DSCAM: variants seen among roughly 807,000 people sequenced by gnomAD.
DSCAM encodes cell adhesion molecule DSCAM.
DSCAM carries 47 observed loss-of-function variants against 217.7 expected under a neutral mutation model. The observed-to-expected ratio is 0.22, with a 90% CI of 0.17 to 0.28. The LOEUF (loss-of-function observed/expected upper bound fraction) is 0.28, where lower values mean the gene tolerates loss of function less well. Ranked by LOEUF, DSCAM falls within the 10% of genes least tolerant of loss-of-function variation. DSCAM has a pLI of 1.00. For missense variants in DSCAM, 2,080 were observed against 2,618.3 expected, an observed-to-expected ratio of 0.79 and a Z score of 4.49; for synonymous variants, 1,056 against 1,015.3, an observed-to-expected ratio of 1.04 and a Z score of -0.76.
intron 11 of DSCAM, among the ~76,000 whole-genome samples, chr21:40,266,635 TTA>T (rs71186923): frequency 0.054 from 3,383 of 62,528 alleles, 63 homozygotes; most frequent in Non-Finnish European, 0.064. Context: ...CAAAGATGTT[TTA>T]TATATATATA....
At chr21:40,676,226 T>C (rs1283911464) in intron 3 of DSCAM, among the ~76,000 whole-genome samples, 2 of 152,292 alleles carry the variant, frequency 1.3e-5, no homozygotes, top group Non-Finnish European at 1.5e-5. Flanking sequence ...AGAGAAACAT[T>C]CATCTTATGT....
chr21:40,702,195 G>C (rs2090663901), intron 2 of DSCAM, among the ~76,000 whole-genome samples: 1 of 152,116 alleles, frequency 6.6e-6, no homozygotes, highest in Non-Finnish European at 1.5e-5. Flanking sequence ...TTAGCTCTGA[G>C]CACAGGGGAT....
At chr21:40,415,219 A>C (rs2075359555) in intron 3 of DSCAM, among the ~76,000 whole-genome samples, 1 of 152,252 alleles carries the variant, frequency 6.6e-6, no homozygotes, top group African/African-American at 2.4e-5. Flanking sequence ...TGTAGGATAC[A>C]TGATTTTATA....
chr21:40,133,734 G>C lies in DSCAM; in HGVS notation c.3562+120C>G, dbSNP rs867887226. 1.9e-4 allele frequency: 234 copies of C among 1,212,678 alleles called. No homozygotes were observed. In the Middle Eastern group the frequency reaches 3.3e-3, roughly 17 times the overall value. 75.1% of individuals were successfully genotyped at this position (1,212,678 alleles called of 1,614,324 possible). On this transcript the variant is annotated intron_variant, in intron 19 of 32. Coordinates refer to ENST00000400454, the MANE Select transcript of DSCAM (RefSeq NM_001389.5). ...TCTGAATTGCACTGGGATATTTTGG[G>C]AGGGCAGCAAAGGTTTGCACTGAGA... is the stretch of plus-strand genomic sequence containing the variant.
chr21:40,650,313 T>G (rs188721516), intron 3 of DSCAM, among the ~76,000 whole-genome samples: 181 of 152,332 alleles, frequency 1.2e-3, no homozygotes, highest in African/African-American at 4.2e-3. Context: ...TAGTTATCAA[T>G]TTCACAAGGG....
intron 11 of DSCAM, among the ~76,000 whole-genome samples, chr21:40,273,409 A>T (rs2073645049): frequency 6.6e-6 from 1 of 152,086 alleles, no homozygotes; most frequent in South Asian, 2.1e-4. Context: ...CAACTCTATC[A>T]TCTCTCTTTG....
chr21:40,270,067 G>C (rs2073595421), intron 11 of DSCAM, among the ~76,000 whole-genome samples: 1 of 152,168 alleles, frequency 6.6e-6, no homozygotes, highest in South Asian at 2.1e-4. Context: ...AGAATCTTTA[G>C]CTGGTGGAAC....
At chr21:40,453,322 T>C (rs778257304) in intron 3 of DSCAM, among the ~76,000 whole-genome samples, 2 of 152,144 alleles carry the variant, frequency 1.3e-5, no homozygotes, top group Non-Finnish European at 2.9e-5. Context: ...AGTCCTGTCA[T>C]ATTGTCCTAG....
At chr21:40,403,609 A>G (rs752033884) in intron 3 of DSCAM, among the ~76,000 whole-genome samples, 4 of 149,298 alleles carry the variant, frequency 2.7e-5, no homozygotes, top group Admixed American at 6.8e-5. Context: ...GCTTACATAC[A>G]TGTATGCAAG....
At chr21:40,674,635 T>C (rs1170740852) in intron 3 of DSCAM, among the ~76,000 whole-genome samples, 3 of 143,494 alleles carry the variant, frequency 2.1e-5, no homozygotes, top group East Asian at 2.0e-4. Flanking sequence ...TCTTTTTCTT[T>C]TTTTTTTTTT....
chr21:40,810,945 G>A (rs1219759749), intron 1 of DSCAM, among the ~76,000 whole-genome samples: 1 of 152,034 alleles, frequency 6.6e-6, no homozygotes, highest in Non-Finnish European at 1.5e-5. Flanking sequence ...TTTTTCACTT[G>A]GGGTCATTGT....
chr21:40,100,980 G>A (rs1226380357), intron 20 of DSCAM, among the ~76,000 whole-genome samples: 1 of 152,164 alleles, frequency 6.6e-6, no homozygotes, highest in Admixed American at 6.5e-5. Flanking sequence ...AGACATAAGA[G>A]TTCCTTTGTG....
At chr21:40,473,024 C>T (rs60951437) in intron 3 of DSCAM, among the ~76,000 whole-genome samples, 20,743 of 152,042 alleles carry the variant, frequency 0.14, 1,540 homozygotes, top group Middle Eastern at 0.2. Flanking sequence ...ACGGTCCATA[C>T]GGGGCACGGA....
intron 4 of DSCAM, among the ~76,000 whole-genome samples, chr21:40,366,787 A>C (rs763742791): frequency 6.6e-6 from 1 of 152,176 alleles, no homozygotes; most frequent in African/African-American, 2.4e-5. Flanking sequence ...CAAGGACTCG[A>C]CATTTAGCCC....
intron 3 of DSCAM, among the ~76,000 whole-genome samples, chr21:40,544,062 C>T (rs1333091642): frequency 6.6e-6 from 1 of 151,978 alleles, no homozygotes; most frequent in Non-Finnish European, 1.5e-5. Context: ...AAGAGGATAC[C>T]TGGAAGTGAG....
At chr21:40,829,397 G>C (rs1281475941) in intron 1 of DSCAM, among the ~76,000 whole-genome samples, 2 of 152,194 alleles carry the variant, frequency 1.3e-5, no homozygotes, top group Non-Finnish European at 2.9e-5. Flanking sequence ...GCAGAGCTAA[G>C]AGCCCACTCG....
intron 8 of DSCAM, among the ~76,000 whole-genome samples, chr21:40,337,107 A>ATG (rs1491246496): frequency 2.0e-5 from 3 of 152,164 alleles, no homozygotes; most frequent in African/African-American, 2.4e-5. Context: ...TATTATTTCC[A>ATG]TGTGTGTGTG....
At chr21:40,399,393 G>T (rs575345676) in intron 3 of DSCAM, among the ~76,000 whole-genome samples, 4 of 152,296 alleles carry the variant, frequency 2.6e-5, no homozygotes, top group African/African-American at 9.6e-5. Context: ...TTCTATATTG[G>T]AAGCTGAGTC....
intron 3 of DSCAM, among the ~76,000 whole-genome samples, chr21:40,606,248 C>T (rs13047827): frequency 0.43 from 65,957 of 152,062 alleles, 14,627 homozygotes; most frequent in East Asian, 0.56. Context: ...AGCTGGTACT[C>T]TGTCTCAGTG....
Sources: gnomAD v4.1 joint callset for allele counts (sites outside exome capture counted in the v4.1 genomes callset) on GRCh38, gnomAD v4.1.1 for gene constraint, MANE v1.5 for transcripts, NCBI Gene and HGNC (gene_info 2026-07-23, HGNC 2026-07-21) for gene names.